THSD4: variants seen among roughly 807,000 people sequenced by gnomAD.
The protein encoded by THSD4 is thrombospondin type 1 domain containing 4.
In THSD4, 69 loss-of-function variants were observed where a neutral mutation model predicts 119.0. That is an observed-to-expected ratio of 0.58 (90% confidence interval 0.48 to 0.71). The LOEUF is 0.71. Among genes scored for constraint, THSD4 ranks in the 30% least tolerant of loss-of-function variants. The probability of loss-of-function intolerance (pLI) is 0.00; values close to 1 mark genes in which losing one functional copy is unlikely to be tolerated. For missense variants in THSD4, 1,393 were observed against 1,391.1 expected (o/e 1.00, Z -0.02); for synonymous variants, 524 against 540.4 (o/e 0.97, Z 0.42).
intron 4 of THSD4, among the ~76,000 whole-genome samples, chr15:71,225,737 C>T (rs751757075): frequency 6.6e-5 from 10 of 151,854 alleles, no homozygotes; most frequent in Admixed American, 2.0e-4. Context: ...GATGGGGTTT[C>T]ACCATGTTGG....
At chr15:71,695,502 ATGTGTGTG>A (rs3086738) in intron 8 of THSD4, among the ~76,000 whole-genome samples, 3 of 144,038 alleles carry the variant, frequency 2.1e-5, no homozygotes, top group Non-Finnish European at 4.6e-5. Flanking sequence ...GTGTGTGTGC[ATGTGTGTG>A]TGTGTGTGTG....
chr15:71,684,432 G>A (rs1445785464), intron 8 of THSD4, among the ~76,000 whole-genome samples: 3 of 151,660 alleles, frequency 2.0e-5, no homozygotes, highest in African/African-American at 7.3e-5. Flanking sequence ...AAGGAAAATG[G>A]ATGTATGCTC....
At chr15:71,637,988 A>G (rs1440971739) in intron 7 of THSD4, among the ~76,000 whole-genome samples, 1 of 152,122 alleles carries the variant, frequency 6.6e-6, no homozygotes, top group East Asian at 1.9e-4. Context: ...CAGCCTCCCA[A>G]AGTGCTGGGA....
intron 7 of THSD4, among the ~76,000 whole-genome samples, chr15:71,490,061 A>G (rs1218691666): frequency 1.3e-5 from 2 of 152,094 alleles, no homozygotes; most frequent in Admixed American, 6.5e-5. Context: ...CCATTTCACT[A>G]AAAAAGTTGT....
intron 8 of THSD4, among the ~76,000 whole-genome samples, chr15:71,726,712 C>T (rs11633667): frequency 0.54 from 82,307 of 151,866 alleles, 26,634 homozygotes; most frequent in East Asian, 0.81. Flanking sequence ...CTGAGGCAGG[C>T]GGATCATCTG....
At chr15:71,150,096 T>C (rs1233808093) in intron 2 of THSD4, among the ~76,000 whole-genome samples, 2 of 150,882 alleles carry the variant, frequency 1.3e-5, no homozygotes, top group East Asian at 1.9e-4. Flanking sequence ...TGGAAAGGAG[T>C]GTGGGATTTG....
At chr15:71,684,448 A>G (rs888515775) in intron 8 of THSD4, among the ~76,000 whole-genome samples, 2 of 152,064 alleles carry the variant, frequency 1.3e-5, no homozygotes. Context: ...TGCTCAATAA[A>G]TATTTTAATT....
At chr15:71,111,029 A>T, upstream of THSD4, 1 of 1,131,254 alleles carries the variant, frequency 8.8e-7, no homozygotes, top group Non-Finnish European at 1.2e-6. Flanking sequence ...AAGGAGAAGC[A>T]GCCTCGGATC....
chr15:71,764,997 T>G (rs1047577246), intron 15 of THSD4, 23 bp from the exon 16 acceptor site: 5 of 1,604,848 alleles, frequency 3.1e-6, no homozygotes, highest in Non-Finnish European at 4.3e-6. Flanking sequence ...GTGACACTCA[T>G]CTTTTTCTGC....
intron 6 of THSD4, among the ~76,000 whole-genome samples, chr15:71,262,174 C>T (rs939043901): frequency 1.3e-5 from 2 of 152,178 alleles, no homozygotes; most frequent in Non-Finnish European, 2.9e-5. Context: ...CTCTGATAAA[C>T]ACATTAATTT....
At chr15:71,531,271 G>T (rs548371234) in intron 7 of THSD4, among the ~76,000 whole-genome samples, 2 of 152,224 alleles carry the variant, frequency 1.3e-5, no homozygotes, top group African/African-American at 2.4e-5. Context: ...AATAGGAAAC[G>T]CCTGAAGTAA....
chr15:71,642,743 T>G (rs911443622), intron 7 of THSD4, among the ~76,000 whole-genome samples: 6 of 150,078 alleles, frequency 4.0e-5, no homozygotes, highest in African/African-American at 1.5e-4. Context: ...AGGTGGGAAT[T>G]GAACAATGAG....
chr15:71,749,960 G>T (rs1449176802), intron 14 of THSD4, among the ~76,000 whole-genome samples: 1 of 151,986 alleles, frequency 6.6e-6, no homozygotes, highest in African/African-American at 2.4e-5. Context: ...AAACTCCTGG[G>T]CTCAAGTGAT....
chr15:71,561,102 G>A (rs1416498793), intron 7 of THSD4, among the ~76,000 whole-genome samples: 1 of 151,300 alleles, frequency 6.6e-6, no homozygotes, highest in Non-Finnish European at 1.5e-5. Flanking sequence ...AGCCTCCCGA[G>A]TAGCTGGGAC....
chr15:71,432,986 A>G (rs553117814), intron 7 of THSD4, among the ~76,000 whole-genome samples: 13 of 152,062 alleles, frequency 8.5e-5, no homozygotes, highest in Non-Finnish European at 1.8e-4. Context: ...TACATATTCT[A>G]ATTATACTTT....
chr15:71,181,831 T>C (rs2141424064), intron 3 of THSD4, among the ~76,000 whole-genome samples: 1 of 152,338 alleles, frequency 6.6e-6, no homozygotes, highest in Admixed American at 6.5e-5. Flanking sequence ...TCTGCCTGAC[T>C]CCTGTTGTTA....
intron 6 of THSD4, among the ~76,000 whole-genome samples, chr15:71,386,141 A>C (rs10851842): frequency 0.23 from 34,367 of 152,146 alleles, 4,821 homozygotes; most frequent in Middle Eastern, 0.39. Context: ...CAGAAAAGCA[A>C]CACCAGAAAT....
chr15:71,296,996 T>C (rs889970143), intron 6 of THSD4, among the ~76,000 whole-genome samples: 6 of 152,224 alleles, frequency 3.9e-5, no homozygotes, highest in Admixed American at 1.3e-4. Context: ...CTTTTGGCTG[T>C]TTCTGCCCCA....
At chr15:71,295,978 G>C (rs1230913629) in intron 6 of THSD4, among the ~76,000 whole-genome samples, 2 of 152,274 alleles carry the variant, frequency 1.3e-5, no homozygotes, top group East Asian at 3.9e-4. Flanking sequence ...TAATACTGTA[G>C]CATGTATTGA....
Sources: gnomAD v4.1 joint callset for allele counts (sites outside exome capture counted in the v4.1 genomes callset) on GRCh38, gnomAD v4.1.1 for gene constraint, MANE v1.5 for transcripts, NCBI Gene and HGNC (gene_info 2026-07-23, HGNC 2026-07-21) for gene names.